Variants in ADAMTSL3 observed in about 807,000 individuals in gnomAD.
ADAMTSL3 encodes the protein ADAMTS like 3, also known as ADAMTS-like protein 3.
A neutral mutation model predicts 201.7 loss-of-function variants in ADAMTSL3; 128 were observed. The observed-to-expected ratio is 0.63, with a 90% CI of 0.55 to 0.73. The LOEUF is 0.73. Among genes scored for constraint, ADAMTSL3 ranks in the 30% least tolerant of loss-of-function variants. The probability of loss-of-function intolerance (pLI) is 0.00; values close to 1 mark genes in which losing one functional copy is unlikely to be tolerated. For synonymous variants in ADAMTSL3, 738 were observed against 748.4 expected, an observed-to-expected ratio of 0.99 and a Z score of 0.23; for missense variants, 1,990 against 2,119.6, an observed-to-expected ratio of 0.94 and a Z score of 1.20.
chr15:83,803,812 A>G (rs1164785966), intron 4 of ADAMTSL3, among the ~76,000 whole-genome samples: 1 of 152,166 alleles, frequency 6.6e-6, no homozygotes, highest in Non-Finnish European at 1.5e-5. Context: ...CTGTTCCAAC[A>G]TGACTTGGTA....
chr15:83,923,823 G>A (rs1361091989), intron 16 of ADAMTSL3, 81 bp from the exon 17 acceptor site: 1 of 1,519,914 alleles, frequency 6.6e-7, no homozygotes, highest in Non-Finnish European at 9.0e-7. Flanking sequence ...CTAAGAATGA[G>A]AAGACCTAAG....
intron 19 of ADAMTSL3, among the ~76,000 whole-genome samples, chr15:83,965,197 T>C (rs2067055341): frequency 1.3e-5 from 2 of 152,146 alleles, no homozygotes; most frequent in Non-Finnish European, 1.5e-5. Context: ...GTAAATGGGC[T>C]AAATGCCCCA....
intron 19 of ADAMTSL3, 119 bp downstream of exon 19, chr15:83,943,201 G>T: frequency 1.7e-6 from 2 of 1,202,622 alleles, no homozygotes; most frequent in South Asian, 1.7e-5. Context: ...GTCCTAGGGG[G>T]CCACATTTAA....
At chr15:83,689,278 C>T (rs922853802) in intron 2 of ADAMTSL3, among the ~76,000 whole-genome samples, 3 of 152,096 alleles carry the variant, frequency 2.0e-5, no homozygotes, top group Admixed American at 6.6e-5. Context: ...AGGTACCTAC[C>T]GTGGAGCTTA....
intron 15 of ADAMTSL3, among the ~76,000 whole-genome samples, chr15:83,904,063 C>T (rs1596382364): frequency 6.6e-6 from 1 of 151,726 alleles, no homozygotes; most frequent in South Asian, 2.1e-4. Context: ...TCTTCCTCCT[C>T]GTATTCACAG....
At chr15:83,667,750 T>C (rs2730084) in intron 2 of ADAMTSL3, among the ~76,000 whole-genome samples, 30,708 of 151,870 alleles carry the variant, frequency 0.2, 4,036 homozygotes, top group Admixed American at 0.33. Context: ...ACATGGTACA[T>C]AGAATTGAAA....
At position 83,942,596 on chromosome 15, in the gene ADAMTSL3, G is replaced by A. The variant is rs1018191276; in HGVS notation, c.2118G>A (p.Arg706=). 2.5e-6 allele frequency: 4 copies of A among 1,610,780 alleles called. No homozygotes were observed. The highest frequency in any genetic ancestry group is 1.1e-5 in the South Asian group (1 of 90,934). ...TTTCCCCACTTGTTTTCTGTTTTAG[G>A]TGGCATGTGGGCTCTTGGGGGCCCT... ...QACNTEPCPP[R]WHVGSWGPCS... The change falls in exon 18 of 30, where the codon AGG becomes AGA. Residue 706 remains arginine, a splice_region_variant and synonymous_variant. Transcript: ENST00000286744.
intron 13 of ADAMTSL3, among the ~76,000 whole-genome samples, chr15:83,895,894 G>A (rs895463605): frequency 1.1e-4 from 17 of 152,228 alleles, no homozygotes; most frequent in Admixed American, 3.3e-4. Context: ...TTCAAGAGTG[G>A]CATCATGAAC....
intron 16 of ADAMTSL3, among the ~76,000 whole-genome samples, chr15:83,917,622 C>A (rs1188214857): frequency 1.3e-5 from 2 of 151,998 alleles, no homozygotes. Context: ...TACCGAAGTT[C>A]TTCTTTTATA....
chr15:83,761,067 T>C (rs1033509867), intron 3 of ADAMTSL3, among the ~76,000 whole-genome samples: 2 of 152,132 alleles, frequency 1.3e-5, no homozygotes, highest in African/African-American at 4.8e-5. Flanking sequence ...TTGGATTGAT[T>C]AAATGTGTTT....
At chr15:83,699,895 C>G (rs1324749021) in intron 2 of ADAMTSL3, among the ~76,000 whole-genome samples, 1 of 152,190 alleles carries the variant, frequency 6.6e-6, no homozygotes, top group Non-Finnish European at 1.5e-5. Context: ...ATTGAACAGT[C>G]CTCTCCCAAC....
chr15:83,656,408 A>G (rs1290105839), intron 2 of ADAMTSL3, among the ~76,000 whole-genome samples: 1 of 152,202 alleles, frequency 6.6e-6, no homozygotes, highest in Non-Finnish European at 1.5e-5. Flanking sequence ...AGTAACGGAG[A>G]CAGTGGCAAA....
chr15:83,919,306 T>C (rs1213359772), intron 16 of ADAMTSL3, among the ~76,000 whole-genome samples: 1 of 152,090 alleles, frequency 6.6e-6, no homozygotes, highest in African/African-American at 2.4e-5. Context: ...AAATTCAACA[T>C]TCAGTGTCTG....
chr15:83,815,148 A>G (rs2063753260), intron 5 of ADAMTSL3, among the ~76,000 whole-genome samples: 2 of 151,984 alleles, frequency 1.3e-5, no homozygotes, highest in Middle Eastern at 3.2e-3. Flanking sequence ...CAGACTGGCT[A>G]CCTGCACTGA....
At chr15:83,924,881 C>T (rs2066220182) in intron 17 of ADAMTSL3, among the ~76,000 whole-genome samples, 1 of 152,224 alleles carries the variant, frequency 6.6e-6, no homozygotes, top group African/African-American at 2.4e-5. Context: ...CCTGCCTCTC[C>T]TACCTCTTAG....
At chr15:83,706,284 A>G (rs1156546582) in intron 3 of ADAMTSL3, among the ~76,000 whole-genome samples, 4 of 152,198 alleles carry the variant, frequency 2.6e-5, no homozygotes, top group African/African-American at 9.6e-5. Context: ...CATAATAACA[A>G]TATAAAAGCT....
At chr15:83,762,112 G>A (rs931741310) in intron 3 of ADAMTSL3, among the ~76,000 whole-genome samples, 34 of 151,702 alleles carry the variant, frequency 2.2e-4, no homozygotes, top group East Asian at 5.8e-4. Context: ...GTGCGGTGGC[G>A]TGATCTCAGC....
chr15:83,745,035 C>G (rs553393711), intron 3 of ADAMTSL3, among the ~76,000 whole-genome samples: 1 of 152,322 alleles, frequency 6.6e-6, no homozygotes, highest in South Asian at 2.1e-4. Flanking sequence ...CCATGGCCTG[C>G]CCTGCCCCAC....
At chr15:83,808,927 A>C (rs1332532605) in intron 5 of ADAMTSL3, among the ~76,000 whole-genome samples, 1 of 152,046 alleles carries the variant, frequency 6.6e-6, no homozygotes, top group Non-Finnish European at 1.5e-5. Flanking sequence ...AAAAAAAAAA[A>C]AAAACAACTT....
Sources: allele counts gnomAD v4.1 joint callset (sites outside exome capture counted in the v4.1 genomes callset), GRCh38; gene constraint gnomAD v4.1.1; transcripts MANE v1.5; gene names NCBI Gene and HGNC (gene_info 2026-07-23, HGNC 2026-07-21).